CPED1: variants seen among roughly 807,000 people sequenced by gnomAD.
The protein encoded by CPED1 is cadherin-like and PC-esterase domain-containing protein 1.
In CPED1, 114 loss-of-function variants were observed where a neutral mutation model predicts 128.2. The ratio of observed to expected loss-of-function variants is 0.89; its 90% CI spans 0.76 to 1.04. The LOEUF (loss-of-function observed/expected upper bound fraction) is 1.04, where lower values mean the gene tolerates loss of function less well. Among genes scored for constraint, CPED1 ranks in the 50% least tolerant of loss-of-function variants. CPED1 has a pLI of 0.00. For synonymous variants in CPED1, 462 were observed against 426.7 expected, an observed-to-expected ratio of 1.08 and a Z score of -1.02; for missense variants, 1,211 against 1,207.1, an observed-to-expected ratio of 1.00 and a Z score of -0.05.
intron 2 of CPED1, among the ~76,000 whole-genome samples, chr7:121,009,406 C>A (rs1792103874): frequency 6.6e-6 from 1 of 151,800 alleles, no homozygotes; most frequent in Non-Finnish European, 1.5e-5. Flanking sequence ...TAGTTCAAGA[C>A]CAGCCTTGGC....
chr7:121,085,913 C>T (rs1040160637), intron 5 of CPED1, among the ~76,000 whole-genome samples: 9 of 152,168 alleles, frequency 5.9e-5, no homozygotes, highest in Non-Finnish European at 1.2e-4. Flanking sequence ...ATATTTCTCC[C>T]GAACAGAGTT....
intron 3 of CPED1, among the ~76,000 whole-genome samples, chr7:121,041,185 A>G (rs922501428): frequency 6.6e-6 from 1 of 152,040 alleles, no homozygotes; most frequent in African/African-American, 2.4e-5. Flanking sequence ...TTTTGATTTA[A>G]TTATAATTGT....
intron 16 of CPED1, among the ~76,000 whole-genome samples, chr7:121,173,613 C>T (rs1019699140): frequency 3.3e-5 from 5 of 152,096 alleles, no homozygotes; most frequent in Non-Finnish European, 7.4e-5. Context: ...ATATATACTA[C>T]ATTTTCTTCA....
chr7:121,184,149 A>AC (rs1157329845), intron 16 of CPED1, among the ~76,000 whole-genome samples: 1 of 151,900 alleles, frequency 6.6e-6, no homozygotes, highest in Non-Finnish European at 1.5e-5. Flanking sequence ...TCAAAAAAAA[A>AC]AAAATGTATT....
chr7:121,197,433 C>T, intron 16 of CPED1, among the ~76,000 whole-genome samples: 1 of 152,122 alleles, frequency 6.6e-6, no homozygotes, highest in South Asian at 2.1e-4. Context: ...GCACTGTTCT[C>T]AGCACTTTAC....
intron 2 of CPED1, among the ~76,000 whole-genome samples, chr7:120,995,197 A>T (rs1034452800): frequency 1.3e-5 from 2 of 151,986 alleles, no homozygotes; most frequent in African/African-American, 4.8e-5. Context: ...ACCTCTCCCG[A>T]TTCCTTATCC....
chr7:120,996,804 C>T (rs528397566), intron 2 of CPED1, among the ~76,000 whole-genome samples: 72 of 152,298 alleles, frequency 4.7e-4, no homozygotes, highest in African/African-American at 1.7e-3. Flanking sequence ...AACCTAGACT[C>T]ATTCAGTGGT....
intron 2 of CPED1, among the ~76,000 whole-genome samples, chr7:120,994,237 G>A (rs1796356012): frequency 6.6e-6 from 1 of 152,102 alleles, no homozygotes; most frequent in Non-Finnish European, 1.5e-5. Context: ...ATATAAAAAT[G>A]TTGTAATTAT....
chr7:121,121,216 T>C (rs1795380190), intron 7 of CPED1, among the ~76,000 whole-genome samples: 1 of 152,184 alleles, frequency 6.6e-6, no homozygotes, highest in African/African-American at 2.4e-5. Flanking sequence ...TCAGACATGA[T>C]CCAAGTTTTT....
chr7:121,198,942 C>T (rs1055202622), intron 16 of CPED1, among the ~76,000 whole-genome samples: 3 of 152,074 alleles, frequency 2.0e-5, no homozygotes, highest in Non-Finnish European at 2.9e-5. Context: ...TTTCCCCTGC[C>T]CACCAACGAG....
Position 121,125,907 on chromosome 7 carries a change from G to A in CPED1, c.1134+15G>A, listed in dbSNP as rs779500438. 1.4e-5 allele frequency: 21 copies of A among 1,550,126 alleles called. No individual in the cohort carries two copies. The highest frequency in any genetic ancestry group is 3.3e-5 in the Admixed American group (2 of 59,830). ...TAGTGCTCCAGGTCAGTATGCCAAA[G>A]GCCTCATGTGAGCTTCTACCTTGTG... On this transcript the variant is annotated intron_variant, in intron 9 of 22. Coordinates refer to ENST00000310396, the MANE Select transcript of CPED1 (RefSeq NM_024913.5).
intron 5 of CPED1, among the ~76,000 whole-genome samples, chr7:121,065,794 A>T (rs1165357690): frequency 6.6e-6 from 1 of 152,040 alleles, no homozygotes; most frequent in South Asian, 2.1e-4. Context: ...AGGCATTTGT[A>T]GTTCTTTCTA....
chr7:121,288,225 A>G (rs997535564), intron 22 of CPED1, among the ~76,000 whole-genome samples: 4 of 152,206 alleles, frequency 2.6e-5, no homozygotes, highest in Admixed American at 6.5e-5. Context: ...CTAATTCTTT[A>G]TAGTATCAGG....
intron 18 of CPED1, among the ~76,000 whole-genome samples, chr7:121,252,115 G>T (rs1798686212): frequency 6.6e-6 from 1 of 151,092 alleles, no homozygotes; most frequent in Non-Finnish European, 1.5e-5. Context: ...CCAAAACAGA[G>T]ATATAGACCA....
At chr7:121,294,612 G>A (rs1018272246) in intron 22 of CPED1, among the ~76,000 whole-genome samples, 5 of 152,010 alleles carry the variant, frequency 3.3e-5, no homozygotes, top group Non-Finnish European at 5.9e-5. Context: ...GTGATTCAGA[G>A]GGATGTGTAG....
chr7:121,015,349 A>G (rs1239702197), intron 2 of CPED1, among the ~76,000 whole-genome samples: 6 of 152,254 alleles, frequency 3.9e-5, no homozygotes, highest in Admixed American at 3.9e-4. Flanking sequence ...TGCAGATTAA[A>G]GGCATTGCTA....
intron 16 of CPED1, among the ~76,000 whole-genome samples, chr7:121,182,683 T>C (rs1013444032): frequency 3.3e-5 from 5 of 152,104 alleles, no homozygotes; most frequent in Non-Finnish European, 2.9e-5. Flanking sequence ...GCTGGTCAGA[T>C]TGTAAGTTCT....
chr7:121,125,357 T>C (rs1217876534), intron 8 of CPED1, among the ~76,000 whole-genome samples: 1 of 152,180 alleles, frequency 6.6e-6, no homozygotes, highest in Non-Finnish European at 1.5e-5. Context: ...GTTTGTCACA[T>C]AGGTATACAT....
intron 16 of CPED1, among the ~76,000 whole-genome samples, chr7:121,219,611 T>C (rs1048346245): frequency 6.6e-6 from 1 of 152,036 alleles, no homozygotes; most frequent in African/African-American, 2.4e-5. Flanking sequence ...TTTCACAGTA[T>C]AATGAATAGC....
Sources: allele counts gnomAD v4.1 joint callset (sites outside exome capture counted in the v4.1 genomes callset), GRCh38; gene constraint gnomAD v4.1.1; transcripts MANE v1.5; gene names NCBI Gene and HGNC (gene_info 2026-07-23, HGNC 2026-07-21).